The following PCDHGA6 variants were observed in gnomAD, a reference collection of about 807,000 sequenced individuals.
The protein encoded by PCDHGA6 is protocadherin gamma-A6.
Under a neutral mutation model 60.6 loss-of-function variants are expected in PCDHGA6, and 41 were observed. The ratio of observed to expected loss-of-function variants is 0.68; its 90% CI spans 0.53 to 0.88. The LOEUF (loss-of-function observed/expected upper bound fraction) is 0.88, where lower values mean the gene tolerates loss of function less well. PCDHGA6 is among the 40% of genes least tolerant of loss of function. The pLI is 0.00. For synonymous variants in PCDHGA6, 594 were observed against 524.4 expected (o/e 1.13, Z -1.81); for missense variants, 1,312 against 1,203.0 (o/e 1.09, Z -1.34).
intron 1 of PCDHGA6, chr5:141,394,820 C>T (rs1480144579): frequency 5.6e-6 from 9 of 1,613,748 alleles, no homozygotes; most frequent in African/African-American, 1.3e-5. Flanking sequence ...ACAGCATCCC[C>T]GAAGTCCTGA....
intron 1 of PCDHGA6, among the ~76,000 whole-genome samples, 184 bp from the exon 2 acceptor site, chr5:141,494,623 C>A (rs2099755716): frequency 6.6e-6 from 1 of 152,146 alleles, no homozygotes; most frequent in Non-Finnish European, 1.5e-5. Flanking sequence ...GTTTCTGGTA[C>A]CTCAGACCTC....
At chr5:141,426,096 T>C (rs1296875718) in intron 1 of PCDHGA6, among the ~76,000 whole-genome samples, 6 of 152,230 alleles carry the variant, frequency 3.9e-5, no homozygotes, top group Non-Finnish European at 8.8e-5. Flanking sequence ...GATATTCTGT[T>C]CAGTCACAGA....
At chr5:141,401,076 G>T (rs1589429931) in intron 1 of PCDHGA6, among the ~76,000 whole-genome samples, 1 of 152,174 alleles carries the variant, frequency 6.6e-6, no homozygotes, top group Non-Finnish European at 1.5e-5. Context: ...GGGTGCAGTG[G>T]CTCATGCCTG....
chr5:141,413,042 G>T, intron 1 of PCDHGA6: 1 of 857,566 alleles, frequency 1.2e-6, no homozygotes, highest in Non-Finnish European at 1.7e-6. Context: ...CTGCTGGGCT[G>T]CAGGGAAGCT....
intron 1 of PCDHGA6, chr5:141,398,456 C>A (rs1262009079): frequency 6.3e-7 from 1 of 1,590,134 alleles, no homozygotes; most frequent in Non-Finnish European, 8.6e-7. Context: ...GAGGCTGTTG[C>A]TGAAAATCCA....
At chr5:141,436,691 A>G (rs2097840863) in intron 1 of PCDHGA6, among the ~76,000 whole-genome samples, 1 of 152,226 alleles carries the variant, frequency 6.6e-6, no homozygotes, top group Admixed American at 6.5e-5. Context: ...TATATTTTCA[A>G]TGCCAGCACA....
chr5:141,488,497 C>T (rs1054409265), intron 1 of PCDHGA6, among the ~76,000 whole-genome samples: 3 of 152,204 alleles, frequency 2.0e-5, no homozygotes, highest in South Asian at 2.1e-4. Flanking sequence ...CTGTAACACT[C>T]ATTCCACATT....
At chr5:141,470,059 G>A (rs1206799372) in intron 1 of PCDHGA6, among the ~76,000 whole-genome samples, 6 of 152,186 alleles carry the variant, frequency 3.9e-5, no homozygotes, top group African/African-American at 1.4e-4. Context: ...AACCCCGGAG[G>A]CAGAGACTGT....
At chr5:141,508,739 C>A (rs1344024245) in intron 3 of PCDHGA6, among the ~76,000 whole-genome samples, 1 of 152,156 alleles carries the variant, frequency 6.6e-6, no homozygotes, top group African/African-American at 2.4e-5. Context: ...ACACCCCCCA[C>A]CCCGCTCTTT....
At chr5:141,438,960 C>A (rs1398478011) in intron 1 of PCDHGA6, among the ~76,000 whole-genome samples, 1 of 151,940 alleles carries the variant, frequency 6.6e-6, no homozygotes, top group Non-Finnish European at 1.5e-5. Flanking sequence ...GCCACCGCAC[C>A]CTGCCAACTG....
chr5:141,400,954 G>A (rs1195267748), intron 1 of PCDHGA6, among the ~76,000 whole-genome samples: 1 of 152,014 alleles, frequency 6.6e-6, no homozygotes, highest in African/African-American at 2.4e-5. Context: ...GATTTCACTG[G>A]TAGTTTTCAT....
chr5:141,398,711 C>T, intron 1 of PCDHGA6: 2 of 1,613,822 alleles, frequency 1.2e-6, no homozygotes, highest in South Asian at 1.1e-5. Context: ...CCGGAACTGG[C>T]ACTGGAGAAA....
intron 1 of PCDHGA6, among the ~76,000 whole-genome samples, chr5:141,445,441 C>T (rs1201825256): frequency 6.6e-6 from 1 of 152,152 alleles, no homozygotes; most frequent in Admixed American, 6.6e-5. Context: ...GACCTATGGA[C>T]TAAGGATGCA....
chr5:141,425,566 G>T (rs532293951), intron 1 of PCDHGA6, among the ~76,000 whole-genome samples: 1 of 152,348 alleles, frequency 6.6e-6, no homozygotes, highest in Admixed American at 6.5e-5. Context: ...TAAGTGATAA[G>T]AAGGGTTTGG....
Position 141,456,898 on chromosome 5 carries a change from G to A in PCDHGA6, c.2425-37909G>A, listed in dbSNP as rs1046778634. 3.9e-5 allele frequency among the ~76,000 whole-genome samples: 6 copies of A among 152,284 alleles called. No individual in the cohort carries two copies. The South Asian group carries it at 6.2e-4, about 16-fold the overall frequency. On this transcript the variant is annotated intron_variant, in intron 1 of 3. Transcript: ENST00000517434. ...GAATCGCTTGAACCCGGGAGGCAGA[G>A]GTTGCAGTGAGCCGAGATCGCACCA...
intron 1 of PCDHGA6, chr5:141,384,987 G>C (rs775895766): frequency 6.2e-7 from 1 of 1,614,114 alleles, no homozygotes; most frequent in African/African-American, 1.3e-5. Context: ...TGGTGGTGGC[G>C]GTGGCCACAG....
Position 141,388,496 on chromosome 5 carries a change from G to C in PCDHGA6, c.2424+11989G>C. The stretch of plus-strand genomic sequence containing the variant: ...TGAAGACACCTTTGGACAGAGAAAA[G>C]CAGAAATCCTACCACTTGACTTTGA... On this transcript the variant is annotated intron_variant, in intron 1 of 3. Coordinates refer to ENST00000517434, the MANE Select transcript of PCDHGA6 (RefSeq NM_018919.3). 1 of 1,613,828 alleles carries C rather than the reference G, an allele frequency of 6.2e-7. No individual in the cohort carries two copies. Among genetic ancestry groups the C allele is most frequent in the Admixed American group, 1.7e-5 (1 of 60,022 alleles).
At chr5:141,430,217 T>C (rs1055487905) in intron 1 of PCDHGA6, among the ~76,000 whole-genome samples, 1 of 150,102 alleles carries the variant, frequency 6.7e-6, no homozygotes, top group Non-Finnish European at 1.5e-5. Context: ...TATTATATTA[T>C]ATGATTTGTC....
At chr5:141,420,061 G>A (rs376044810) in intron 1 of PCDHGA6, 3 of 1,613,958 alleles carry the variant, frequency 1.9e-6, no homozygotes, top group Non-Finnish European at 2.5e-6. Flanking sequence ...TCTGCTCCAA[G>A]TCCGGACCTG....
Sources: gnomAD v4.1 joint callset for allele counts (sites outside exome capture counted in the v4.1 genomes callset) on GRCh38, gnomAD v4.1.1 for gene constraint, MANE v1.5 for transcripts, NCBI Gene and HGNC (gene_info 2026-07-23, HGNC 2026-07-21) for gene names.